Variants in ROBO2 observed in about 807,000 individuals in gnomAD.
ROBO2 encodes the protein roundabout guidance receptor 2, also known as roundabout homolog 2.
ROBO2 carries 53 observed loss-of-function variants against 160.8 expected under a neutral mutation model. The observed-to-expected ratio is 0.33, with a 90% confidence interval of 0.26 to 0.41. The LOEUF (loss-of-function observed/expected upper bound fraction) is 0.41. ROBO2 is among the 10% of genes least tolerant of loss of function. ROBO2 has a pLI of 1.00. For synonymous variants in ROBO2, 664 were observed against 611.7 expected (o/e 1.09, Z -1.26); for missense variants, 1,577 against 1,722.4 (o/e 0.92, Z 1.49).
intron 2 of ROBO2, among the ~76,000 whole-genome samples, chr3:77,109,265 G>A (rs964465542): frequency 1.3e-5 from 2 of 152,134 alleles, no homozygotes; most frequent in Non-Finnish European, 2.9e-5. Context: ...AGTTTCAGCT[G>A]GCAAGATGAA....
intron 2 of ROBO2, among the ~76,000 whole-genome samples, chr3:76,141,009 T>C (rs114871423): frequency 1.6e-3 from 172 of 110,440 alleles, no homozygotes; most frequent in African/African-American, 5.3e-3. Context: ...TGATGAGGCA[T>C]ATAACTTAGA....
chr3:76,400,418 T>A (rs1218767759), intron 2 of ROBO2, among the ~76,000 whole-genome samples: 1 of 151,632 alleles, frequency 6.6e-6, no homozygotes, highest in African/African-American at 2.4e-5. Context: ...ATATAAAAGT[T>A]CTAAGCATCA....
At chr3:76,921,307 C>T (rs1200634922) in intron 2 of ROBO2, among the ~76,000 whole-genome samples, 3 of 152,050 alleles carry the variant, frequency 2.0e-5, no homozygotes, top group Admixed American at 1.3e-4. Flanking sequence ...ATGGGAAATT[C>T]CATTATAAGG....
exon 26 of ROBO2, chr3:77,648,887 C>T (rs1225525991): frequency 1.3e-5 from 2 of 152,136 alleles, no homozygotes; most frequent in East Asian, 3.9e-4. Flanking sequence ...AAGAGGAAAT[C>T]TGGGTGGGAG....
intron 2 of ROBO2, among the ~76,000 whole-genome samples, chr3:76,052,109 C>T (rs73842905): frequency 0.021 from 3,123 of 152,138 alleles, 44 homozygotes; most frequent in East Asian, 0.081. Context: ...ATTTTAAAAA[C>T]CTATGTGTGA....
chr3:76,467,937 A>T (rs1021549208), intron 2 of ROBO2, among the ~76,000 whole-genome samples: 3 of 152,094 alleles, frequency 2.0e-5, no homozygotes, highest in Non-Finnish European at 2.9e-5. Flanking sequence ...GTATTTTTTT[A>T]AAAATTAATT....
intron 17 of ROBO2, among the ~76,000 whole-genome samples, chr3:77,594,084 C>CT (rs1207645182): frequency 3.3e-5 from 5 of 152,066 alleles, no homozygotes; most frequent in Admixed American, 6.6e-5. Context: ...CACCATGTTT[C>CT]TTTTTAAAAA....
intron 24 of ROBO2, among the ~76,000 whole-genome samples, chr3:77,637,415 T>G (rs184141659): frequency 6.6e-6 from 1 of 152,316 alleles, no homozygotes; most frequent in East Asian, 1.9e-4. Flanking sequence ...CTACATACTT[T>G]CCGGTTTACT....
In ROBO2 at chr3:77,648,287, GACCCAGTTT is replaced by G. The variant is rs2095426071; in HGVS notation, c.*2234_*2242del. 5 of 152,188 alleles carry G rather than the reference GACCCAGTTT, an allele frequency of 3.3e-5. 1 individual carries two copies. In the South Asian group the frequency reaches 1.0e-3, roughly 32 times the overall value. The allele number at this position is 152,188 out of a possible 1,614,324, so 9.4% of individuals were successfully genotyped here. A position where few individuals can be genotyped will look rare whatever the true frequency, so the allele number is the denominator to read the frequency against. The stretch of plus-strand genomic sequence containing the variant: ...GTGTTCCCTCTTTATGTTTCTCTAT[GACCCAGTTT>G]AGTCTAAAACCTTAGTTCATTACAT... On this transcript the variant is annotated 3_prime_UTR_variant, in exon 26 of 26. Coordinates refer to ENST00000461745, the Ensembl canonical transcript of ROBO2.
chr3:77,265,346 G>A lies in ROBO2; in HGVS notation c.388+167006G>A, dbSNP rs998422998. Among the ~76,000 whole-genome samples the A allele has an allele frequency of 7.0e-4, 106 of 152,258 alleles. 1 individual carries two copies. Among genetic ancestry groups the A allele is most frequent in the Non-Finnish European group, 5.9e-5 (4 of 68,014 alleles). On this transcript the variant is annotated intron_variant, in intron 2 of 25. Coordinates refer to ENST00000461745, the Ensembl canonical transcript of ROBO2. ...GTCACTAGCCTCCTTATTTCGTAAG[G>A]TGTAGGCCATTAGAAGATTGATCTT... is the stretch of plus-strand genomic sequence containing the variant.
chr3:77,293,318 A>G (rs1348487461), intron 2 of ROBO2, among the ~76,000 whole-genome samples: 2 of 119,764 alleles, frequency 1.7e-5, no homozygotes, highest in Non-Finnish European at 1.8e-5. Context: ...GTTAAACGGG[A>G]AGTTGAGGCT....
chr3:76,209,676 T>C lies in ROBO2; in HGVS notation c.109+272074T>C, dbSNP rs142953223. 6.4e-4 allele frequency among the ~76,000 whole-genome samples: 98 copies of C among 152,234 alleles called. 1 individual carries two copies. In the East Asian group the frequency reaches 0.019, roughly 29 times the overall value. On this transcript the variant is annotated intron_variant, in intron 2 of 26. Transcript: ENST00000487694. ...ATCAAATAATATTCTAGGCATAGGA[T>C]GTAATTCTTGTACAAAGATGTAATA...
In ROBO2 at chr3:77,209,290, A is replaced by G. The variant is rs539605639; in HGVS notation, c.388+110950A>G. Among the ~76,000 whole-genome samples the G allele has an allele frequency of 5.3e-5, 8 of 152,290 alleles. No individual in the cohort carries two copies. The South Asian group carries it at 1.4e-3, about 28-fold the overall frequency. The stretch of plus-strand genomic sequence containing the variant: ...CATTTGCCTTAGATAATCAAAAAAC[A>G]TCTCTGTTGCTGATTATCAAAATAT... On this transcript the variant is annotated intron_variant, in intron 2 of 25. Transcript: ENST00000461745.
At chr3:77,457,999 C>T (rs895530340) in intron 2 of ROBO2, among the ~76,000 whole-genome samples, 15 of 151,980 alleles carry the variant, frequency 9.9e-5, no homozygotes, top group African/African-American at 3.6e-4. Context: ...TATGCAAAAC[C>T]ATGATAATGA....
intron 2 of ROBO2, chr3:76,434,328 C>A: frequency 1.7e-6 from 2 of 1,174,002 alleles, no homozygotes; most frequent in South Asian, 1.2e-5. Context: ...CATCTCAGAG[C>A]AGATCAAGAA....
At chr3:76,519,483 A>T (rs973573550) in intron 2 of ROBO2, among the ~76,000 whole-genome samples, 1 of 152,230 alleles carries the variant, frequency 6.6e-6, no homozygotes, top group African/African-American at 2.4e-5. Flanking sequence ...TCTGTCTGCA[A>T]TTACCTAGCA....
intron 2 of ROBO2, among the ~76,000 whole-genome samples, chr3:77,230,123 T>C (rs1303167704): frequency 6.6e-6 from 1 of 152,246 alleles, no homozygotes; most frequent in East Asian, 1.9e-4. Flanking sequence ...AGAATCTCTC[T>C]GTCACCCAGG....
intron 2 of ROBO2, among the ~76,000 whole-genome samples, chr3:76,276,339 TTAAAC>T (rs1329219524): frequency 2.0e-5 from 3 of 152,038 alleles, no homozygotes; most frequent in South Asian, 2.1e-4. Context: ...CTATTTAAAT[TTAAAC>T]TAATGAAAAT....
intron 5 of ROBO2, among the ~76,000 whole-genome samples, chr3:77,514,647 C>G (rs181517166): frequency 5.3e-4 from 81 of 151,856 alleles, no homozygotes; most frequent in African/African-American, 1.8e-3. Context: ...ATGTAAAGCC[C>G]TGTTGTACAC....
Sources: allele counts gnomAD v4.1 joint callset (sites outside exome capture counted in the v4.1 genomes callset), GRCh38; gene constraint gnomAD v4.1.1; transcripts MANE v1.5; gene names NCBI Gene and HGNC (gene_info 2026-07-23, HGNC 2026-07-21).